The following ARL15 variants were observed in gnomAD, a reference collection of about 807,000 sequenced individuals.
The protein encoded by ARL15 is ADP-ribosylation factor-like protein 15.
ARL15 carries 19 observed loss-of-function variants against 25.2 expected under a neutral mutation model. The ratio of observed to expected loss-of-function variants is 0.75; its 90% CI spans 0.53 to 1.10. The LOEUF (loss-of-function observed/expected upper bound fraction) is 1.10, where lower values mean the gene tolerates loss of function less well. Among genes scored for constraint, ARL15 ranks in the 50% least tolerant of loss-of-function variants. The pLI is 0.00. For missense variants in ARL15, 220 were observed against 246.0 expected, an observed-to-expected ratio of 0.89 and a Z score of 0.71; for synonymous variants, 94 against 86.8, an observed-to-expected ratio of 1.08 and a Z score of -0.46.
chr5:54,241,687 C>T (rs993134957), intron 1 of ARL15, among the ~76,000 whole-genome samples: 6 of 152,074 alleles, frequency 3.9e-5, no homozygotes. Flanking sequence ...GTGTTGAATC[C>T]GATTCCTTAT....
chr5:53,999,853 C>CCGTTG (rs1748798241), intron 4 of ARL15, among the ~76,000 whole-genome samples: 1 of 151,772 alleles, frequency 6.6e-6, no homozygotes, highest in African/African-American at 2.4e-5. Flanking sequence ...CAAGATCACG[C>CCGTTG]CATTGCACTC....
intron 4 of ARL15, among the ~76,000 whole-genome samples, chr5:53,987,260 A>G (rs1371969241): frequency 1.3e-5 from 2 of 150,222 alleles, no homozygotes; most frequent in African/African-American, 4.9e-5. Flanking sequence ...TGAATATTGA[A>G]CTGCTTCCAG....
intron 4 of ARL15, among the ~76,000 whole-genome samples, chr5:54,023,341 A>G: frequency 6.6e-6 from 1 of 152,074 alleles, no homozygotes; most frequent in Non-Finnish European, 1.5e-5. Context: ...ATTATAAACA[A>G]AGTTCAAATA....
At chr5:53,948,426 T>C (rs1439754628) in intron 4 of ARL15, among the ~76,000 whole-genome samples, 3 of 152,242 alleles carry the variant, frequency 2.0e-5, no homozygotes, top group Admixed American at 1.3e-4. Flanking sequence ...CTGATGTCTA[T>C]TTTGAAGTGT....
intron 1 of ARL15, among the ~76,000 whole-genome samples, chr5:54,200,225 C>A (rs992708608): frequency 8.7e-5 from 13 of 150,030 alleles, no homozygotes; most frequent in Non-Finnish European, 1.6e-4. Context: ...AGCGCACCAG[C>A]ATGGCACATG....
At chr5:53,925,302 C>T (rs1178906087) in intron 4 of ARL15, among the ~76,000 whole-genome samples, 2 of 151,740 alleles carry the variant, frequency 1.3e-5, no homozygotes, top group South Asian at 2.1e-4. Context: ...CTCAAGTGAT[C>T]CTCCCACCTT....
chr5:54,102,351 G>A (rs1752465064), intron 4 of ARL15, among the ~76,000 whole-genome samples: 1 of 151,982 alleles, frequency 6.6e-6, no homozygotes, highest in African/African-American at 2.4e-5. Flanking sequence ...TGAAAACTGA[G>A]TAAAATGTAA....
At chr5:54,286,668 T>G (rs997537791) in intron 1 of ARL15, among the ~76,000 whole-genome samples, 1 of 152,178 alleles carries the variant, frequency 6.6e-6, no homozygotes, top group Admixed American at 6.5e-5. Context: ...AGATTTTGGC[T>G]GAAATGGTGA....
At chr5:54,175,750 T>C (rs1387309895) in intron 1 of ARL15, among the ~76,000 whole-genome samples, 1 of 151,238 alleles carries the variant, frequency 6.6e-6, no homozygotes, top group African/African-American at 2.4e-5. Context: ...AATCCCAGGC[T>C]CAAGCAATCC....
chr5:54,097,986 C>T (rs1475000867), intron 4 of ARL15, among the ~76,000 whole-genome samples: 1 of 152,108 alleles, frequency 6.6e-6, no homozygotes, highest in Non-Finnish European at 1.5e-5. Flanking sequence ...AGGGGTCGAA[C>T]ATAGGGCATA....
At chr5:54,081,991 T>C (rs1353934536) in intron 4 of ARL15, among the ~76,000 whole-genome samples, 3 of 150,984 alleles carry the variant, frequency 2.0e-5, no homozygotes, top group African/African-American at 4.9e-5. Flanking sequence ...CTCGGGAGGC[T>C]AAGGCACGAG....
intron 4 of ARL15, among the ~76,000 whole-genome samples, chr5:53,993,778 G>C (rs1257661973): frequency 6.6e-6 from 1 of 152,150 alleles, no homozygotes; most frequent in Non-Finnish European, 1.5e-5. Flanking sequence ...TTAGAGTCAG[G>C]TCCTGGCTGA....
chr5:53,930,152 T>G (rs1415475233), intron 4 of ARL15, among the ~76,000 whole-genome samples: 1 of 152,148 alleles, frequency 6.6e-6, no homozygotes, highest in Non-Finnish European at 1.5e-5. Context: ...ATAATAAATC[T>G]AAAAATCACA....
intron 1 of ARL15, among the ~76,000 whole-genome samples, chr5:54,179,877 G>A (rs1294080204): frequency 2.0e-5 from 3 of 151,986 alleles, no homozygotes; most frequent in Admixed American, 6.6e-5. Flanking sequence ...AATTAGCCAG[G>A]TGTAGTGGTG....
chr5:54,088,811 C>T (rs73114718), intron 4 of ARL15, among the ~76,000 whole-genome samples: 10,428 of 152,152 alleles, frequency 0.069, 442 homozygotes, highest in Middle Eastern at 0.1. Context: ...CCTTGGCAAT[C>T]AAGTAGTTTA....
intron 4 of ARL15, among the ~76,000 whole-genome samples, chr5:53,931,691 C>T (rs1023690719): frequency 3.3e-5 from 5 of 152,164 alleles, no homozygotes; most frequent in Admixed American, 6.5e-5. Flanking sequence ...CTACATAGTA[C>T]ATTGCTACTT....
At chr5:54,011,754 T>C (rs182528129) in intron 4 of ARL15, among the ~76,000 whole-genome samples, 49 of 152,254 alleles carry the variant, frequency 3.2e-4, no homozygotes, top group African/African-American at 1.1e-3. Context: ...CTCACACCTG[T>C]AATCCCAGCA....
chr5:54,293,292 T>C (rs1180430205), intron 1 of ARL15, among the ~76,000 whole-genome samples: 1 of 152,222 alleles, frequency 6.6e-6, no homozygotes, highest in Non-Finnish European at 1.5e-5. Flanking sequence ...CAACCATGTC[T>C]AAAGGCAGTT....
At chr5:53,988,321 GAA>G (rs756851983) in intron 4 of ARL15, among the ~76,000 whole-genome samples, 2 of 106,904 alleles carry the variant, frequency 1.9e-5, no homozygotes, top group Non-Finnish European at 2.0e-5. Flanking sequence ...AAGAAAAAAA[GAA>G]AAAAAAAAAA....
Sources: gnomAD v4.1 joint callset for allele counts (sites outside exome capture counted in the v4.1 genomes callset) on GRCh38, gnomAD v4.1.1 for gene constraint, MANE v1.5 for transcripts, NCBI Gene and HGNC (gene_info 2026-07-23, HGNC 2026-07-21) for gene names.